Variants in WDR33 observed in about 807,000 individuals in gnomAD.
WDR33 encodes the protein pre-mRNA 3' end processing protein WDR33.
WDR33 carries 47 observed loss-of-function variants against 164.9 expected under a neutral mutation model. The observed-to-expected ratio is 0.29, with a 90% confidence interval of 0.23 to 0.36. WDR33 has a LOEUF of 0.36. Among genes scored for constraint, WDR33 ranks in the 10% least tolerant of loss-of-function variants. WDR33 has a pLI of 1.00. For synonymous variants in WDR33, 505 were observed against 589.0 expected, an observed-to-expected ratio of 0.86 and a Z score of 2.06; for missense variants, 1,137 against 1,754.1, an observed-to-expected ratio of 0.65 and a Z score of 6.28.
At chr2:127,767,524 T>TA (rs1329925500) in intron 4 of WDR33, among the ~76,000 whole-genome samples, 5 of 151,928 alleles carry the variant, frequency 3.3e-5, no homozygotes, top group African/African-American at 1.2e-4. Flanking sequence ...CTATCCTGGC[T>TA]AACACGGTGA....
rs1686443667 is a variant in WDR33, at chr2:127,721,747, C to G, written c.1671+89G>C. Reference sequence around the variant, plus strand: ...TGTTTGTCAGACCATGGGAGAGCCCCTTCCCTTTTCCTTAAGAGCCTATCA... The same window carrying G: ...TGTTTGTCAGACCATGGGAGAGCCCGTTCCCTTTTCCTTAAGAGCCTATCA... On this transcript the variant is annotated intron_variant, in intron 15 of 21. Transcript: ENST00000322313. The surrounding 1 kb of genome is among the most constrained non-coding windows in gnomAD (Gnocchi z 4.9). 3 of 1,382,854 alleles carry G rather than the reference C, an allele frequency of 2.2e-6. No individual in the cohort carries two copies. The East Asian group carries it at 7.5e-5, about 34-fold the overall frequency. 85.7% of individuals were successfully genotyped at this position (1,382,854 alleles called of 1,614,324 possible). A position where few individuals can be genotyped will look rare whatever the true frequency, so the allele number is the denominator to read the frequency against.
At chr2:127,803,831 C>G (rs1293614067) in intron 1 of WDR33, among the ~76,000 whole-genome samples, 1 of 151,664 alleles carries the variant, frequency 6.6e-6, no homozygotes, top group Non-Finnish European at 1.5e-5. Flanking sequence ...GGGGTTAGTG[C>G]CAGGTGCTTG....
chr2:127,774,725 G>A (rs547179558), intron 1 of WDR33, among the ~76,000 whole-genome samples: 1 of 152,230 alleles, frequency 6.6e-6, no homozygotes, highest in East Asian at 1.9e-4. Context: ...GGCTACTCGG[G>A]AGGCTGAGGC....
At position 127,768,304 on chromosome 2, in the gene WDR33, G is replaced by T; in HGVS notation, c.274-11C>A. On this transcript the variant is annotated splice_polypyrimidine_tract_variant and intron_variant, in intron 3 of 21. Coordinates refer to ENST00000322313, the MANE Select transcript of WDR33 (RefSeq NM_018383.5). The stretch of plus-strand genomic sequence containing the variant: ...TATAGGTGGGACCAGCTACAAAAAA[G>T]GAAAATTGGGTTCTTAGAGCTCCTG... The T allele has an allele frequency of 6.6e-7, 1 of 1,504,514 alleles. No individual in the cohort carries two copies. The highest frequency in any genetic ancestry group is 9.0e-7 in the Non-Finnish European group (1 of 1,115,810). The allele number at this position is 1,504,514 out of a possible 1,614,324, so 93.2% of individuals were successfully genotyped here.
intron 1 of WDR33, among the ~76,000 whole-genome samples, chr2:127,777,545 A>G (rs985154401): frequency 4.6e-5 from 7 of 152,224 alleles, no homozygotes; most frequent in African/African-American, 1.7e-4. Flanking sequence ...TCTTTCAACA[A>G]TGTGGTGACT....
chr2:127,805,298 T>G (rs1285995716), intron 1 of WDR33, among the ~76,000 whole-genome samples: 1 of 151,754 alleles, frequency 6.6e-6, no homozygotes, highest in Non-Finnish European at 1.5e-5. Flanking sequence ...TCCAGGCTGG[T>G]CTTGAACTCC....
Position 127,701,459 on chromosome 2 carries a change from G to A in WDR33, c.*4864C>T, listed in dbSNP as rs1685874430. On this transcript the variant is annotated 3_prime_UTR_variant, in exon 22 of 22. Transcript: ENST00000322313. ...CGTCGCCGACCAATTGCCGCCCGAA[G>A]ACCGAACCGCTTCAGCGGAGGGCCG... is the stretch of plus-strand genomic sequence containing the variant. 8.1e-7 allele frequency: 1 copy of A among 1,234,298 alleles called. No individual in the cohort carries two copies. The highest frequency in any genetic ancestry group is 1.0e-6 in the Non-Finnish European group (1 of 984,748). 76.5% of individuals were successfully genotyped at this position (1,234,298 alleles called of 1,614,324 possible).
chr2:127,796,264 G>A (rs547661088), intron 1 of WDR33, among the ~76,000 whole-genome samples: 10 of 151,880 alleles, frequency 6.6e-5, no homozygotes, highest in East Asian at 1.9e-4. Flanking sequence ...TTTAGAGACA[G>A]GGTTTCAACA....
intron 1 of WDR33, among the ~76,000 whole-genome samples, chr2:127,798,706 T>G (rs1315315865): frequency 1.3e-5 from 2 of 151,970 alleles, no homozygotes; most frequent in African/African-American, 2.4e-5. Flanking sequence ...TCAGTTTAGA[T>G]TTCAAAAAAA....
rs764995810 is a variant in WDR33, at chr2:127,709,502, T to C, written c.3553A>G (p.Asn1185Asp). 1.2e-6 allele frequency: 2 copies of C among 1,614,078 alleles called. No individual in the cohort carries two copies. Among genetic ancestry groups the C allele is most frequent in the Non-Finnish European group, 1.7e-6 (2 of 1,179,920 alleles). ...GGRKPDSWDG[N>D]REPGPGHEHF... ...TTCTTTTCCTTACCAGGCTCTCTGT[T>C]TCCATCCCAGGAATCTGGCTTCCGC... Residue 1185 changes from asparagine (N) to aspartate (D), a missense_variant, in exon 20 of 22, where the codon AAC becomes GAC. Asn to Asp is a conservative substitution (Grantham distance 23). Transcript: ENST00000322313. The surrounding 1 kb of genome is among the most constrained non-coding windows in gnomAD (Gnocchi z 5.0).
In WDR33 at chr2:127,723,063, C is replaced by A; in HGVS notation, c.1292-19G>T. 6.3e-7 allele frequency: 1 copy of A among 1,578,226 alleles called. No homozygotes were observed. The highest frequency in any genetic ancestry group is 8.6e-7 in the Non-Finnish European group (1 of 1,163,436). On this transcript the variant is annotated intron_variant, in intron 12 of 21. Coordinates refer to ENST00000322313, the MANE Select transcript of WDR33 (RefSeq NM_018383.5). The surrounding 1 kb of genome is among the most constrained non-coding windows in gnomAD (Gnocchi z 5.9). ...AGGTCATCTATAAATAGTAATACAC[C>A]ATTGTCAATAGAGAATTTACAAAAG...
At chr2:127,773,953 C>T (rs1038706988) in intron 1 of WDR33, among the ~76,000 whole-genome samples, 3 of 151,180 alleles carry the variant, frequency 2.0e-5, no homozygotes, top group African/African-American at 4.9e-5. Flanking sequence ...TTTTAGTAGG[C>T]TGGTCTTGAA....
In WDR33 at chr2:127,701,234, C is replaced by T; in HGVS notation, c.*5089G>A. Reference sequence around the variant, plus strand: ...CCCTTTAGAACCACACCCACCCCTGCCTTCCAACTATTAATGCTGGCAGGA... The same window carrying T: ...CCCTTTAGAACCACACCCACCCCTGTCTTCCAACTATTAATGCTGGCAGGA... On this transcript the variant is annotated 3_prime_UTR_variant, in exon 22 of 22. Transcript: ENST00000322313. 1 of 256,272 alleles carries T rather than the reference C, an allele frequency of 3.9e-6. No individual in the cohort carries two copies. 15.9% of individuals were successfully genotyped at this position (256,272 alleles called of 1,614,324 possible). A position where few individuals can be genotyped will look rare whatever the true frequency, so the allele number is the denominator to read the frequency against.
intron 7 of WDR33, among the ~76,000 whole-genome samples, chr2:127,761,233 C>G (rs1445544371): frequency 6.6e-6 from 1 of 151,840 alleles, no homozygotes; most frequent in East Asian, 1.9e-4. Context: ...CAGAGTCTCA[C>G]TCTGTTGCCC....
chr2:127,761,312 T>G (rs1687667661), intron 7 of WDR33, among the ~76,000 whole-genome samples: 1 of 152,086 alleles, frequency 6.6e-6, no homozygotes, highest in Non-Finnish European at 1.5e-5. Flanking sequence ...ACCAGTCTCC[T>G]GCCTCAGCCT....
chr2:127,723,438 A>G lies in WDR33; in HGVS notation c.1197-91T>C. On this transcript the variant is annotated intron_variant, in intron 11 of 21. Coordinates refer to ENST00000322313, the MANE Select transcript of WDR33 (RefSeq NM_018383.5). The surrounding 1 kb of genome is among the most constrained non-coding windows in gnomAD (Gnocchi z 5.9). ...TAGGCAGACCCTTGGTAAACACAAC[A>G]CATTTTTACAATTTGTTTCTTCTAC... 1.0e-6 allele frequency: 1 copy of G among 982,374 alleles called. No homozygotes were observed. Among genetic ancestry groups the G allele is most frequent in the Non-Finnish European group, 1.5e-6 (1 of 648,138 alleles). The allele number at this position is 982,374 out of a possible 1,614,324, so 60.9% of individuals were successfully genotyped here.
intron 21 of WDR33, among the ~76,000 whole-genome samples, chr2:127,707,882 G>A (rs1436746770): frequency 6.6e-6 from 1 of 152,194 alleles, no homozygotes; most frequent in African/African-American, 2.4e-5. Flanking sequence ...TTGAACCTGG[G>A]AGGCGGGGGT....
chr2:127,759,839 G>A (rs758031056), intron 7 of WDR33, among the ~76,000 whole-genome samples: 2 of 151,892 alleles, frequency 1.3e-5, no homozygotes, highest in Non-Finnish European at 2.9e-5. Context: ...CCAGGAGTTT[G>A]AGACCAGCCT....
Position 127,770,796 on chromosome 2 carries a change from A to G in WDR33, c.186T>C (p.Ser62=). 2.5e-6 allele frequency: 4 copies of G among 1,614,098 alleles called. No individual in the cohort carries two copies. Among genetic ancestry groups the G allele is most frequent in the Non-Finnish European group, 3.4e-6 (4 of 1,179,976 alleles). The part of the protein sequence containing the change: ...VNRKTIDYNP[S]VIKYLENRIW... ...GGCTTACCTCCAAATACTTAATTAC[A>G]GATGGATTGTAGTCTATGGTTTTTC... Residue 62 remains serine, a synonymous_variant, in exon 2 of 22, where the codon TCT becomes TCC. Transcript: ENST00000322313. This position sits in a 1 kb window ranked among gnomAD's most constrained non-coding sequence, Gnocchi z 4.9.
Sources: gnomAD v4.1 joint callset for allele counts (sites outside exome capture counted in the v4.1 genomes callset) on GRCh38, gnomAD v4.1.1 for gene constraint, Gnocchi (gnomAD v3.1) non-coding constraint, MANE v1.5 for transcripts, NCBI Gene and HGNC (gene_info 2026-07-23, HGNC 2026-07-21) for gene names.